SCPEP1: variants seen among roughly 807,000 people sequenced by gnomAD.
SCPEP1 encodes serine carboxypeptidase 1.
SCPEP1 carries 51 observed loss-of-function variants against 63.8 expected under a neutral mutation model. The ratio of observed to expected loss-of-function variants is 0.80; its 90% CI spans 0.64 to 1.01. SCPEP1 has a LOEUF of 1.01. Among genes scored for constraint, SCPEP1 ranks in the 50% least tolerant of loss-of-function variants. SCPEP1 has a pLI of 0.00. For synonymous variants in SCPEP1, 204 were observed against 207.8 expected (o/e 0.98, Z 0.16); for missense variants, 499 against 554.9 (o/e 0.90, Z 1.01).
At chr17:56,985,334 A>C (rs1911182987) in intron 2 of SCPEP1, 44 bp from the exon 3 acceptor site, 1 of 1,451,520 alleles carries the variant, frequency 6.9e-7, no homozygotes, top group Admixed American at 1.7e-5. Context: ...TGTAAAGACT[A>C]AGATCTGACT....
intron 12 of SCPEP1, among the ~76,000 whole-genome samples, chr17:57,005,416 G>A (rs181328473): frequency 9.2e-5 from 14 of 152,262 alleles, no homozygotes; most frequent in East Asian, 7.7e-4. Context: ...TTGTTAAGTC[G>A]TCCCCAAACC....
At chr17:56,983,709 G>A (rs1911130409) in intron 2 of SCPEP1, 1 of 152,210 alleles carries the variant, frequency 6.6e-6, no homozygotes, top group South Asian at 2.1e-4. Context: ...GGGATGTATA[G>A]CCTTCCAATT....
Position 56,978,151 on chromosome 17 carries a change from G to C in SCPEP1, c.-9G>C, listed in dbSNP as rs372328765. The C allele has an allele frequency of 7.4e-7, 1 of 1,349,148 alleles. No individual in the cohort carries two copies. Among genetic ancestry groups the C allele is most frequent in the Non-Finnish European group, 1.0e-6 (1 of 959,168 alleles). The allele number at this position is 1,349,148 out of a possible 1,614,324, so 83.6% of individuals were successfully genotyped here. ...AGCCTGTTGCTGATGCTGCCGTGCG[G>C]TACTTGTCATGGAGCTGGCACTGCG... On this transcript the variant is annotated 5_prime_UTR_variant, in exon 1 of 13. Transcript: ENST00000262288.
At chr17:56,999,758 G>A (rs1376574117) in intron 10 of SCPEP1, among the ~76,000 whole-genome samples, 1 of 152,162 alleles carries the variant, frequency 6.6e-6, no homozygotes, top group Non-Finnish European at 1.5e-5. Flanking sequence ...CAAGGTGGGC[G>A]GATCACCTGA....
chr17:56,994,635 G>A lies in SCPEP1; in HGVS notation c.620-346G>A, dbSNP rs577257906. Among the ~76,000 whole-genome samples, 419 of 152,272 alleles carry A rather than the reference G, an allele frequency of 2.8e-3. 3 individuals are homozygous for A. The highest frequency in any genetic ancestry group is 9.6e-3 in the African/African-American group (397 of 41,568). ...GGGAAATATTTTAAGCTGTCAAAAG[G>A]CCTAGAGGTCCACAGATAAGAGCCT... On this transcript the variant is annotated intron_variant, in intron 6 of 12. Transcript: ENST00000262288.
At chr17:57,005,706 C>T (rs536037158) in intron 12 of SCPEP1, among the ~76,000 whole-genome samples, 1 of 152,168 alleles carries the variant, frequency 6.6e-6, no homozygotes, top group Non-Finnish European at 1.5e-5. Flanking sequence ...CTGCGAAAAT[C>T]GGATGCCACC....
At chr17:56,991,345 A>G (rs1216031984) in intron 6 of SCPEP1, among the ~76,000 whole-genome samples, 174 bp downstream of exon 6, 1 of 152,210 alleles carries the variant, frequency 6.6e-6, no homozygotes, top group Non-Finnish European at 1.5e-5. Flanking sequence ...ATGGACCACT[A>G]AGGGCTGAAC....
chr17:56,982,683 C>T (rs542333008), intron 2 of SCPEP1: 116 of 152,234 alleles, frequency 7.6e-4, no homozygotes, highest in African/African-American at 2.7e-3. Flanking sequence ...TGGGCCTTGG[C>T]TGTCTAATCT....
intron 8 of SCPEP1, among the ~76,000 whole-genome samples, chr17:56,996,299 G>A (rs1346157164): frequency 6.6e-6 from 1 of 151,862 alleles, no homozygotes; most frequent in Non-Finnish European, 1.5e-5. Flanking sequence ...CTGCCTCCTG[G>A]GCTCAAGTGA....
Position 56,981,113 on chromosome 17 carries a change from C to T in SCPEP1, c.108C>T (p.Gly36=). 1 of 1,614,136 alleles carries T rather than the reference C, an allele frequency of 6.2e-7. No individual in the cohort carries two copies. Among genetic ancestry groups the T allele is most frequent in the Non-Finnish European group, 8.5e-7 (1 of 1,180,016 alleles). ...TCATTGACTGGCCCACAGAGGAGGG[C>T]AAGGAAGTATGGGATTATGTGACGG... ...GAVIDWPTEE[G]KEVWDYVTVR... Residue 36 remains glycine (G), a synonymous_variant, in exon 2 of 13, where the codon GGC becomes GGT. Transcript: ENST00000262288.
chr17:56,995,443 GCAGCAATAC>G, intron 7 of SCPEP1, 55 bp from the exon 8 acceptor site: 1 of 1,561,456 alleles, frequency 6.4e-7, no homozygotes, highest in Non-Finnish European at 8.7e-7. Flanking sequence ...CTCCCTAACT[GCAGCAATAC>G]CAGATTGACG....
intron 3 of SCPEP1, chr17:56,987,044 A>G (rs536935924): frequency 2.6e-5 from 4 of 152,322 alleles, no homozygotes; most frequent in South Asian, 2.1e-4. Flanking sequence ...AGTGAGGACC[A>G]TGGTCCCAGT....
intron 7 of SCPEP1, 69 bp downstream of exon 7, chr17:56,995,087 G>T: frequency 7.3e-7 from 1 of 1,361,898 alleles, no homozygotes; most frequent in East Asian, 2.3e-5. Flanking sequence ...GTGACCCCAG[G>T]AAAAGAGATG....
chr17:56,995,719 G>A, intron 8 of SCPEP1, 84 bp downstream of exon 8: 1 of 1,431,540 alleles, frequency 7.0e-7, no homozygotes, highest in African/African-American at 1.4e-5. Flanking sequence ...GTCAAACTTG[G>A]AGTCTACACT....
At position 57,006,283 on chromosome 17, in the gene SCPEP1, T is replaced by G. The variant is rs766182793; in HGVS notation, c.*48T>G. 1.0e-5 allele frequency: 15 copies of G among 1,466,340 alleles called. No individual in the cohort carries two copies. Among genetic ancestry groups the G allele is most frequent in the Non-Finnish European group, 1.3e-5 (14 of 1,073,686 alleles). The allele number at this position is 1,466,340 out of a possible 1,614,324, so 90.8% of individuals were successfully genotyped here. A position where few individuals can be genotyped will look rare whatever the true frequency, so the allele number is the denominator to read the frequency against. ...CTGGTTTGGCCTTGGGGCACAGAGC[T>G]GAGCTGAGGCCGCTGAAGCTGTAGG... On this transcript the variant is annotated 3_prime_UTR_variant, in exon 13 of 13. Transcript: ENST00000262288.
At chr17:56,995,356 A>G (rs1410756850) in intron 7 of SCPEP1, 151 bp from the exon 8 acceptor site, 4 of 777,968 alleles carry the variant, frequency 5.1e-6, no homozygotes, top group Admixed American at 5.7e-5. Context: ...TGTTTCATCC[A>G]ATAAACATGT....
intron 10 of SCPEP1, among the ~76,000 whole-genome samples, chr17:57,000,210 A>G (rs1443857068): frequency 6.6e-6 from 1 of 152,194 alleles, no homozygotes; most frequent in Non-Finnish European, 1.5e-5. Flanking sequence ...TTATCTCCCA[A>G]GGTAATGAAG....
intron 7 of SCPEP1, 110 bp from the exon 8 acceptor site, chr17:56,995,397 C>T (rs910330886): frequency 3.5e-6 from 4 of 1,138,518 alleles, no homozygotes; most frequent in Non-Finnish European, 5.1e-6. Context: ...GATATGTGAG[C>T]TCCCGTTCTC....
At chr17:56,998,977 T>C (rs1911657788) in intron 10 of SCPEP1, among the ~76,000 whole-genome samples, 1 of 151,892 alleles carries the variant, frequency 6.6e-6, no homozygotes, top group South Asian at 2.1e-4. Context: ...AAAAAAGACA[T>C]CAAAATTGAT....
Sources: allele counts gnomAD v4.1 joint callset (sites outside exome capture counted in the v4.1 genomes callset), GRCh38; gene constraint gnomAD v4.1.1; transcripts MANE v1.5; gene names NCBI Gene and HGNC (gene_info 2026-07-23, HGNC 2026-07-21).